BAZ2B: variants seen among roughly 807,000 people sequenced by gnomAD.
BAZ2B encodes the protein bromodomain adjacent to zinc finger domain 2B, also known as bromodomain adjacent to zinc finger domain protein 2B.
Under a neutral mutation model 246.0 loss-of-function variants are expected in BAZ2B, and 91 were observed. That is an observed-to-expected ratio of 0.37 (90% CI 0.31 to 0.44). The LOEUF is 0.44. Ranked by LOEUF, BAZ2B falls within the 20% of genes least tolerant of loss-of-function variation. The pLI is 1.00. For synonymous variants in BAZ2B, 855 were observed against 860.0 expected (o/e 0.99, Z 0.10); for missense variants, 2,332 against 2,533.7 (o/e 0.92, Z 1.71).
chr2:159,411,099 G>A (rs191878178), intron 14 of BAZ2B, among the ~76,000 whole-genome samples: 3 of 152,310 alleles, frequency 2.0e-5, no homozygotes, highest in Admixed American at 1.3e-4. Flanking sequence ...ATAGCTCACT[G>A]TAACCTTGAA....
chr2:159,356,491 C>G (rs1166319381), intron 27 of BAZ2B, among the ~76,000 whole-genome samples: 1 of 152,216 alleles, frequency 6.6e-6, no homozygotes, highest in Non-Finnish European at 1.5e-5. Flanking sequence ...CAGCCCCAGT[C>G]AGGGGCTTAT....
At chr2:159,325,137 A>G (rs866820099) in intron 35 of BAZ2B, among the ~76,000 whole-genome samples, 183 bp from the exon 36 acceptor site, 1,031 of 53,058 alleles carry the variant, frequency 0.019, 55 homozygotes, top group Non-Finnish European at 0.027. Flanking sequence ...ATATATATAT[A>G]TATATATATA....
chr2:159,380,292 C>T (rs1348100486), intron 25 of BAZ2B, among the ~76,000 whole-genome samples: 2 of 152,152 alleles, frequency 1.3e-5, no homozygotes, highest in Non-Finnish European at 2.9e-5. Context: ...AAATAGTCAT[C>T]TTCATTTTCT....
intron 4 of BAZ2B, among the ~76,000 whole-genome samples, chr2:159,452,185 A>G (rs181192091): frequency 1.6e-3 from 242 of 151,004 alleles, no homozygotes; most frequent in Admixed American, 2.7e-3. Flanking sequence ...AATATGACTC[A>G]AGAAACAGTA....
the BAZ2B span, among the ~76,000 whole-genome samples, chr2:159,649,175 T>C: frequency 6.6e-6 from 1 of 152,090 alleles, no homozygotes; most frequent in Non-Finnish European, 1.5e-5. Context: ...TTATATGTTT[T>C]CTTATTATTG....
In BAZ2B at chr2:159,606,440, T is replaced by C. The variant is rs749589631; in HGVS notation, c.-46+9802A>G. On this transcript the variant is annotated intron_variant, in intron 1 of 36. Coordinates refer to ENST00000392783, the MANE Select transcript of BAZ2B (RefSeq NM_013450.4). ...TCCTGATTTTTTCAAATGTTGAAGA[T>C]AGGTTTTGGTGCTTCCTATGTCATC... Among the ~76,000 whole-genome samples the C allele has an allele frequency of 2.6e-5, 4 of 152,326 alleles. No individual in the cohort carries two copies. In the East Asian group the frequency reaches 7.7e-4, roughly 29 times the overall value.
the BAZ2B span, among the ~76,000 whole-genome samples, chr2:159,708,484 G>T: frequency 6.6e-6 from 1 of 152,022 alleles, no homozygotes; most frequent in Non-Finnish European, 1.5e-5. Flanking sequence ...AAGCTTAGAT[G>T]TAAGAGAGGT....
chr2:159,511,495 C>T (rs950750142), intron 2 of BAZ2B, among the ~76,000 whole-genome samples: 9 of 152,054 alleles, frequency 5.9e-5, no homozygotes, highest in African/African-American at 1.9e-4. Context: ...CGTGAGGTGT[C>T]GCGCCCAGCC....
intron 2 of BAZ2B, among the ~76,000 whole-genome samples, chr2:159,506,135 T>C (rs968719716): frequency 5.1e-4 from 78 of 152,100 alleles, no homozygotes; most frequent in African/African-American, 1.8e-3. Flanking sequence ...AGAGTAGGCA[T>C]ATGGAAAGGT....
intron 1 of BAZ2B, among the ~76,000 whole-genome samples, chr2:159,590,395 G>C (rs1689116273): frequency 6.6e-6 from 1 of 151,674 alleles, no homozygotes; most frequent in African/African-American, 2.4e-5. Context: ...TTCAAGGCCA[G>C]CCTGGCCAGC....
At chr2:159,624,621 A>C in the BAZ2B span, among the ~76,000 whole-genome samples, 1 of 152,234 alleles carries the variant, frequency 6.6e-6, no homozygotes, top group African/African-American at 2.4e-5. Context: ...ACTAACAGAA[A>C]GGAATAGCAT....
At position 159,382,700 on chromosome 2, in the gene BAZ2B, G is replaced by T; in HGVS notation, c.3864C>A (p.Arg1288=). 6.2e-7 allele frequency: 1 copy of T among 1,612,838 alleles called. No individual in the cohort carries two copies. Among genetic ancestry groups the T allele is most frequent in the Non-Finnish European group, 8.5e-7 (1 of 1,179,596 alleles). The change falls in exon 25 of 37, where the codon CGC becomes CGA. Residue 1288 remains arginine (R), a synonymous_variant. Coordinates refer to ENST00000392783, the MANE Select transcript of BAZ2B (RefSeq NM_013450.4). The stretch of plus-strand genomic sequence containing the variant: ...TGTCTCCTCCCTTCCTTCTTCGCTT[G>T]CGTCCTGGAGTGGGTGTGCCCAAGG... ...QHPLGTPTPG[R]KRRRKGGDSD...
At chr2:159,499,537 C>T (rs974001815) in intron 2 of BAZ2B, among the ~76,000 whole-genome samples, 1 of 152,016 alleles carries the variant, frequency 6.6e-6, no homozygotes, top group African/African-American at 2.4e-5. Flanking sequence ...GGGTATACAC[C>T]CAGTTATGGG....
intron 14 of BAZ2B, among the ~76,000 whole-genome samples, chr2:159,411,630 G>T (rs1329979494): frequency 6.6e-6 from 1 of 152,136 alleles, no homozygotes. Context: ...CTTCACATTT[G>T]TAACTAGTGA....
chr2:159,584,256 G>T (rs1213163538), intron 1 of BAZ2B, among the ~76,000 whole-genome samples: 1 of 152,006 alleles, frequency 6.6e-6, no homozygotes, highest in Non-Finnish European at 1.5e-5. Flanking sequence ...CGAGTAGCTG[G>T]GACTACAAGC....
intron 1 of BAZ2B, among the ~76,000 whole-genome samples, chr2:159,585,097 C>T (rs919545037): frequency 6.6e-6 from 1 of 152,162 alleles, no homozygotes; most frequent in African/African-American, 2.4e-5. Flanking sequence ...AGTGCAAGAG[C>T]AGACTAATAA....
the BAZ2B span, among the ~76,000 whole-genome samples, chr2:159,630,992 G>A: frequency 7.2e-5 from 11 of 152,066 alleles, no homozygotes. Context: ...TCAGGAGTTA[G>A]AGACCAGCCT....
chr2:159,675,608 T>C, the BAZ2B span, among the ~76,000 whole-genome samples: 5 of 152,234 alleles, frequency 3.3e-5, no homozygotes, highest in Non-Finnish European at 5.9e-5. Flanking sequence ...TCTAAAATAA[T>C]GTACAGAAAA....
Position 159,397,315 on chromosome 2 carries a change from C to A in BAZ2B, c.3009+30G>T, listed in dbSNP as rs766884662. On this transcript the variant is annotated intron_variant, in intron 19 of 36. Transcript: ENST00000392783. ...TAAGCAATATTATAAAATGTACATT[C>A]AACAATTGTATAACTATACATATAC... The A allele has an allele frequency of 2.7e-6, 4 of 1,463,644 alleles. No homozygotes were observed. In the Admixed American group the frequency reaches 8.6e-5, roughly 31 times the overall value. 90.7% of individuals were successfully genotyped at this position (1,463,644 alleles called of 1,614,324 possible). A position where few individuals can be genotyped will look rare whatever the true frequency, so the allele number is the denominator to read the frequency against.
Sources: gnomAD v4.1 joint callset for allele counts (sites outside exome capture counted in the v4.1 genomes callset) on GRCh38, gnomAD v4.1.1 for gene constraint, MANE v1.5 for transcripts, NCBI Gene and HGNC (gene_info 2026-07-23, HGNC 2026-07-21) for gene names.